Variants in DAB2IP observed in about 807,000 individuals in gnomAD.
DAB2IP encodes disabled homolog 2-interacting protein.
DAB2IP carries 28 observed loss-of-function variants against 107.2 expected under a neutral mutation model. That is an observed-to-expected ratio of 0.26 (90% CI 0.19 to 0.36). DAB2IP has a LOEUF of 0.36. Ranked by LOEUF, DAB2IP falls within the 10% of genes least tolerant of loss-of-function variation. The pLI, the probability that DAB2IP is intolerant of heterozygous loss-of-function variation, is 1.00. For synonymous variants in DAB2IP, 755 were observed against 706.4 expected, an observed-to-expected ratio of 1.07 and a Z score of -1.09; for missense variants, 1,400 against 1,644.7, an observed-to-expected ratio of 0.85 and a Z score of 2.57.
intron 13 of DAB2IP, among the ~76,000 whole-genome samples, chr9:121,775,537 G>A (rs767303135): frequency 7.9e-5 from 12 of 152,156 alleles, no homozygotes; most frequent in South Asian, 2.1e-4. Flanking sequence ...GCCTTTCCTC[G>A]CTCAGCGCAG....
chr9:121,700,696 G>C (rs912647734), intron 3 of DAB2IP, among the ~76,000 whole-genome samples: 2 of 152,152 alleles, frequency 1.3e-5, no homozygotes, highest in Non-Finnish European at 2.9e-5. Context: ...CATCTTCCTG[G>C]AGAGTAACAC....
intron 1 of DAB2IP, among the ~76,000 whole-genome samples, chr9:121,668,467 G>A (rs1833539877): frequency 6.6e-6 from 1 of 152,148 alleles, no homozygotes; most frequent in Admixed American, 6.5e-5. Flanking sequence ...TTGAACTCCT[G>A]GCCTCAAGCA....
intron 1 of DAB2IP, among the ~76,000 whole-genome samples, chr9:121,672,502 T>G (rs1015482387): frequency 5.3e-5 from 8 of 152,216 alleles, no homozygotes; most frequent in African/African-American, 1.9e-4. Flanking sequence ...TGATTTTATT[T>G]TATTTATTTT....
intron 8 of DAB2IP, among the ~76,000 whole-genome samples, chr9:121,764,851 G>C (rs1834156058): frequency 6.6e-6 from 1 of 152,216 alleles, no homozygotes; most frequent in South Asian, 2.1e-4. Flanking sequence ...TCGCAGCCCT[G>C]ATCCCATCAG....
chr9:121,572,604 T>C (rs970408880), intron 1 of DAB2IP, among the ~76,000 whole-genome samples: 1 of 152,064 alleles, frequency 6.6e-6, no homozygotes, highest in Non-Finnish European at 1.5e-5. Context: ...CTCTCTCGGT[T>C]ATTGGGTGGC....
intron 1 of DAB2IP, among the ~76,000 whole-genome samples, chr9:121,621,984 CTTTTTTTTTTTT>C (rs1202929145): frequency 2.0e-5 from 2 of 99,716 alleles, no homozygotes; most frequent in South Asian, 3.3e-4. Flanking sequence ...TTTTTTCTTT[CTTTTTTTTTTTT>C]TTTTTTTTTT....
intron 2 of DAB2IP, among the ~76,000 whole-genome samples, chr9:121,683,717 G>T (rs1241289180): frequency 6.6e-6 from 1 of 152,212 alleles, no homozygotes; most frequent in African/African-American, 2.4e-5. Flanking sequence ...TGCACACCCT[G>T]CATAGGATGC....
chr9:121,591,204 T>C (rs7874209), intron 1 of DAB2IP, among the ~76,000 whole-genome samples: 3,415 of 152,222 alleles, frequency 0.022, 130 homozygotes, highest in African/African-American at 0.077. Context: ...CATGGTAGCT[T>C]ATGCCTGTAA....
chr9:121,613,813 A>G (rs1216453738), intron 1 of DAB2IP, among the ~76,000 whole-genome samples: 1 of 152,222 alleles, frequency 6.6e-6, no homozygotes, highest in African/African-American at 2.4e-5. Flanking sequence ...AGAACAAATG[A>G]CCTATGCACT....
chr9:121,766,415 A>G, intron 8 of DAB2IP, 79 bp from the exon 9 acceptor site: 1 of 1,365,238 alleles, frequency 7.3e-7, no homozygotes, highest in Non-Finnish European at 1.0e-6. Flanking sequence ...CAAGGTTGGA[A>G]TGCAGGTTCC....
chr9:121,624,831 T>C (rs75607126), intron 1 of DAB2IP, among the ~76,000 whole-genome samples: 388 of 152,366 alleles, frequency 2.5e-3, no homozygotes, highest in Middle Eastern at 0.01. Context: ...CTGGAATTAC[T>C]GAGAAAGTTA....
intron 3 of DAB2IP, among the ~76,000 whole-genome samples, chr9:121,748,657 C>T (rs1332897965): frequency 1.3e-5 from 2 of 152,218 alleles, no homozygotes; most frequent in Non-Finnish European, 2.9e-5. Context: ...GGTGAGAACA[C>T]CTGCAACTGG....
intron 1 of DAB2IP, among the ~76,000 whole-genome samples, chr9:121,606,160 G>C (rs1830863522): frequency 2.6e-5 from 4 of 152,010 alleles, no homozygotes; most frequent in Admixed American, 2.0e-4. Context: ...TGGTCAACAT[G>C]GTGAAACCCC....
intron 1 of DAB2IP, among the ~76,000 whole-genome samples, chr9:121,601,319 C>T (rs983038542): frequency 6.6e-6 from 1 of 152,198 alleles, no homozygotes; most frequent in Non-Finnish European, 1.5e-5. Flanking sequence ...TCTTCCTTCC[C>T]TGGTGCTGTG....
chr9:121,755,263 A>G (rs1353090243), intron 3 of DAB2IP, among the ~76,000 whole-genome samples: 2 of 152,188 alleles, frequency 1.3e-5, no homozygotes, highest in Non-Finnish European at 2.9e-5. Flanking sequence ...GTGGCGTGGC[A>G]GGTAGGCCAG....
chr9:121,782,362 A>G lies in DAB2IP; in HGVS notation c.3434A>G (p.Asn1145Ser), dbSNP rs916754563. Residue 1145 changes from asparagine to serine, a missense_variant, in exon 16 of 16, where the codon AAT becomes AGT. Around this residue, in one of 3 missense-constraint regions of DAB2IP, gnomAD observed 600 missense variants for 659.1 expected, o/e 0.91. Coordinates refer to ENST00000408936, the Ensembl canonical transcript of DAB2IP. This position sits in a 1 kb window ranked among gnomAD's most constrained non-coding sequence, Gnocchi z 6.1. The stretch of plus-strand genomic sequence containing the variant: ...CGCATTGCCTCGTTGGATGCCGCCA[A>G]TGCCCGCCTCATGAGTGCCCTGACC... 8 of 1,613,846 alleles carry G rather than the reference A, an allele frequency of 5.0e-6. No individual in the cohort carries two copies. Among genetic ancestry groups the G allele is most frequent in the Admixed American group, 1.7e-5 (1 of 59,980 alleles).
In DAB2IP at chr9:121,699,203, G is replaced by C; in HGVS notation, c.229-122G>C. 1.0e-6 allele frequency: 1 copy of C among 961,976 alleles called. No homozygotes were observed. The highest frequency in any genetic ancestry group is 1.2e-6 in the Non-Finnish European group (1 of 811,540). 59.6% of individuals were successfully genotyped at this position (961,976 alleles called of 1,614,324 possible). On this transcript the variant is annotated intron_variant, in intron 2 of 15. Transcript: ENST00000408936. This position sits in a 1 kb window ranked among gnomAD's most constrained non-coding sequence, Gnocchi z 6.2. ...GCCGCGAGCTGCTGGGGCCGAGCCCGAGCCCGGCCCGCCCTCGGCCGCGCG... is the reference window on the plus strand; with the variant it reads ...GCCGCGAGCTGCTGGGGCCGAGCCCCAGCCCGGCCCGCCCTCGGCCGCGCG...
At chr9:121,691,362 T>C (rs1205784330) in intron 2 of DAB2IP, among the ~76,000 whole-genome samples, 1 of 151,950 alleles carries the variant, frequency 6.6e-6, no homozygotes, top group South Asian at 2.1e-4. Context: ...AGGAGGTACC[T>C]GAAGGGTGTG....
chr9:121,762,164 C>T (rs369393885), intron 6 of DAB2IP, among the ~76,000 whole-genome samples: 1 of 152,184 alleles, frequency 6.6e-6, no homozygotes. Flanking sequence ...AGAGGAGTAA[C>T]GGAGTCTGGG....
Sources: gnomAD v4.1 joint callset for allele counts (sites outside exome capture counted in the v4.1 genomes callset) on GRCh38, gnomAD v4.1.1 for gene constraint, gnomAD v4.1.1 regional missense constraint, Gnocchi (gnomAD v3.1) non-coding constraint, MANE v1.5 for transcripts, NCBI Gene and HGNC (gene_info 2026-07-23, HGNC 2026-07-21) for gene names.